Variants in SLC71A2 observed in about 807,000 individuals in gnomAD.
The protein encoded by SLC71A2 is solute carrier family 71 member 2.
the SLC71A2 span, among the ~76,000 whole-genome samples, chr9:94,384,420 C>G: frequency 7.3e-5 from 11 of 150,142 alleles, no homozygotes; most frequent in South Asian, 2.1e-3. Context: ...CTCAGTGGAG[C>G]CTCGACCTCC....
chr9:94,450,378 G>T, the SLC71A2 span, among the ~76,000 whole-genome samples: 12 of 151,912 alleles, frequency 7.9e-5, no homozygotes, highest in East Asian at 1.9e-4. Flanking sequence ...TCATTAGCCA[G>T]TTGTGTCCCT....
chr9:94,406,895 C>T, the SLC71A2 span, among the ~76,000 whole-genome samples: 1 of 152,060 alleles, frequency 6.6e-6, no homozygotes, highest in South Asian at 2.1e-4. Flanking sequence ...CCATTTCTTT[C>T]TTTTTCTTGC....
At chr9:94,422,999 C>T in the SLC71A2 span, among the ~76,000 whole-genome samples, 50 of 145,964 alleles carry the variant, frequency 3.4e-4, no homozygotes, top group South Asian at 8.7e-4. Flanking sequence ...TGCAGTGGTG[C>T]GATATCGGTT....
the SLC71A2 span, among the ~76,000 whole-genome samples, chr9:94,445,434 A>C: frequency 6.6e-6 from 1 of 152,210 alleles, no homozygotes; most frequent in East Asian, 1.9e-4. Context: ...GTTTGGGAAG[A>C]GAGTTTCTTT....
chr9:94,401,242 C>T, the SLC71A2 span, among the ~76,000 whole-genome samples: 12 of 152,166 alleles, frequency 7.9e-5, no homozygotes, highest in Admixed American at 7.9e-4. Context: ...GCGATCTTGG[C>T]TCACTGCAAC....
the SLC71A2 span, among the ~76,000 whole-genome samples, chr9:94,432,352 T>C: frequency 1.3e-5 from 2 of 150,358 alleles, no homozygotes; most frequent in Non-Finnish European, 1.5e-5. Context: ...AATGCAAAAT[T>C]AGCCGGTTGT....
At chr9:94,429,845 ATAGACT>A in the SLC71A2 span, among the ~76,000 whole-genome samples, 3 of 151,902 alleles carry the variant, frequency 2.0e-5, no homozygotes, top group South Asian at 6.2e-4. Flanking sequence ...GCTTTAGTAT[ATAGACT>A]TTGGAAACAA....
chr9:94,392,974 C>A, the SLC71A2 span, among the ~76,000 whole-genome samples: 5 of 152,140 alleles, frequency 3.3e-5, no homozygotes, highest in East Asian at 1.9e-4. Context: ...GTGATTAATT[C>A]TCTTACTGAG....
At chr9:94,443,957 TC>T in the SLC71A2 span, among the ~76,000 whole-genome samples, 1 of 152,198 alleles carries the variant, frequency 6.6e-6, no homozygotes, top group African/African-American at 2.4e-5. Flanking sequence ...CATTCTTTTT[TC>T]CCCTCCAAAA....
chr9:94,389,187 G>T, the SLC71A2 span, among the ~76,000 whole-genome samples: 2 of 151,396 alleles, frequency 1.3e-5, no homozygotes, highest in Admixed American at 6.6e-5. Flanking sequence ...TTCTACTTGA[G>T]AATTTTTTCC....
At chr9:94,388,237 G>A in the SLC71A2 span, among the ~76,000 whole-genome samples, 2 of 152,184 alleles carry the variant, frequency 1.3e-5, no homozygotes, top group Non-Finnish European at 2.9e-5. Flanking sequence ...GTGGTGAAAT[G>A]TGAAGATTAT....
At chr9:94,388,894 T>C in the SLC71A2 span, among the ~76,000 whole-genome samples, 1 of 152,208 alleles carries the variant, frequency 6.6e-6, no homozygotes, top group Non-Finnish European at 1.5e-5. Flanking sequence ...TGGAAGTGCC[T>C]CACAGACTTC....
At chr9:94,449,030 T>C in the SLC71A2 span, among the ~76,000 whole-genome samples, 2,514 of 152,352 alleles carry the variant, frequency 0.017, 35 homozygotes, top group Middle Eastern at 0.031. Context: ...TACTTGTGTC[T>C]AAATTAATTT....
the SLC71A2 span, among the ~76,000 whole-genome samples, chr9:94,402,118 C>T: frequency 6.6e-6 from 1 of 152,154 alleles, no homozygotes; most frequent in Non-Finnish European, 1.5e-5. Flanking sequence ...TCAGCAAGGT[C>T]TTTATGACCT....
the SLC71A2 span, among the ~76,000 whole-genome samples, chr9:94,375,205 C>T: frequency 4.6e-5 from 7 of 151,988 alleles, no homozygotes; most frequent in African/African-American, 7.3e-5. Flanking sequence ...TTCTCCGTCC[C>T]TGTAACAGTT....
chr9:94,389,539 A>G, the SLC71A2 span, among the ~76,000 whole-genome samples: 1 of 151,280 alleles, frequency 6.6e-6, no homozygotes, highest in South Asian at 2.1e-4. Flanking sequence ...TTGGCCTCCC[A>G]AAGTGCTGGG....
the SLC71A2 span, among the ~76,000 whole-genome samples, chr9:94,440,821 C>T: frequency 6.6e-6 from 1 of 152,088 alleles, no homozygotes; most frequent in East Asian, 1.9e-4. Context: ...GTTTCTACTT[C>T]TTCCTGTCTT....
At chr9:94,396,318 C>A in the SLC71A2 span, among the ~76,000 whole-genome samples, 1 of 151,988 alleles carries the variant, frequency 6.6e-6, no homozygotes, top group Non-Finnish European at 1.5e-5. Context: ...GAGTTTGAGA[C>A]CAGCCTAGGC....
chr9:94,460,734 G>T, the SLC71A2 span: 1 of 152,248 alleles, frequency 6.6e-6, no homozygotes. Context: ...TAAATGTAAT[G>T]AAGGTATTGA....
Sources: allele counts gnomAD v4.1 joint callset (sites outside exome capture counted in the v4.1 genomes callset), GRCh38; gene constraint gnomAD v4.1.1; transcripts MANE v1.5; gene names NCBI Gene and HGNC (gene_info 2026-07-23, HGNC 2026-07-21).